The following PDZD8 variants were observed in gnomAD, a reference collection of about 807,000 sequenced individuals.
The protein encoded by PDZD8 is PDZ domain-containing protein 8.
A neutral mutation model predicts 85.8 loss-of-function variants in PDZD8; 14 were observed. That is an observed-to-expected ratio of 0.16 (90% CI 0.11 to 0.26). The LOEUF (loss-of-function observed/expected upper bound fraction) is 0.26, where lower values mean the gene tolerates loss of function less well. PDZD8 is among the 10% of genes least tolerant of loss of function. The pLI is 1.00. For missense variants in PDZD8, 1,197 were observed against 1,424.3 expected (o/e 0.84, Z 2.57); for synonymous variants, 592 against 568.6 (o/e 1.04, Z -0.59).
chr10:117,358,943 C>A (rs1194522396), intron 1 of PDZD8, among the ~76,000 whole-genome samples: 1 of 152,164 alleles, frequency 6.6e-6, no homozygotes, highest in Admixed American at 6.5e-5. Context: ...TTCTTCCCTT[C>A]CACAAGGAAC....
intron 3 of PDZD8, among the ~76,000 whole-genome samples, chr10:117,291,591 C>T (rs761697971): frequency 3.3e-5 from 5 of 151,092 alleles, no homozygotes; most frequent in Non-Finnish European, 7.4e-5. Flanking sequence ...CACCTGTAAT[C>T]GCAGCTACTA....
At chr10:117,318,183 C>G (rs989097530) in intron 3 of PDZD8, among the ~76,000 whole-genome samples, 1 of 152,170 alleles carries the variant, frequency 6.6e-6, no homozygotes, top group Non-Finnish European at 1.5e-5. Context: ...TCAGATTTAA[C>G]TGGGTGTCCT....
At chr10:117,307,067 A>G (rs1843955432) in intron 3 of PDZD8, among the ~76,000 whole-genome samples, 1 of 152,144 alleles carries the variant, frequency 6.6e-6, no homozygotes, top group African/African-American at 2.4e-5. Flanking sequence ...GGGATTACTT[A>G]CATCAGTAGT....
chr10:117,347,836 C>G (rs1342331665), intron 1 of PDZD8, among the ~76,000 whole-genome samples: 1 of 152,118 alleles, frequency 6.6e-6, no homozygotes, highest in African/African-American at 2.4e-5. Flanking sequence ...CCAGTACGTC[C>G]TGAAGCCACA....
At chr10:117,308,650 A>G (rs911216496) in intron 3 of PDZD8, among the ~76,000 whole-genome samples, 1 of 152,120 alleles carries the variant, frequency 6.6e-6, no homozygotes, top group Admixed American at 6.6e-5. Flanking sequence ...CCTATAGGAC[A>G]CCATTTGTGG....
At chr10:117,302,190 G>C (rs1390969465) in intron 3 of PDZD8, among the ~76,000 whole-genome samples, 1 of 152,146 alleles carries the variant, frequency 6.6e-6, no homozygotes, top group African/African-American at 2.4e-5. Context: ...TACTTCATGG[G>C]ACCCTCAACT....
chr10:117,346,101 C>A (rs1029793718), intron 1 of PDZD8, among the ~76,000 whole-genome samples: 10 of 151,498 alleles, frequency 6.6e-5, no homozygotes, highest in African/African-American at 2.4e-4. Flanking sequence ...ATTAGCCGGG[C>A]GTGGTGGCAT....
Position 117,283,531 on chromosome 10 carries a change from T to G in PDZD8, c.3202A>C (p.Arg1068=). ...VREEKETTDT[R]KKSLLSAALA... Reference sequence around the variant, plus strand: ...GCAGCAGAAAGAAGTGATTTTTTCCTTGTATCAGTTGTCTCTTTTTCTTCT... The same window carrying G: ...GCAGCAGAAAGAAGTGATTTTTTCCGTGTATCAGTTGTCTCTTTTTCTTCT... Residue 1068 remains arginine (R), a synonymous_variant, in exon 5 of 5, where the codon AGG becomes CGG. Transcript: ENST00000334464. 1 of 1,614,244 alleles carries G rather than the reference T, an allele frequency of 6.2e-7. No individual in the cohort carries two copies. Among genetic ancestry groups the G allele is most frequent in the African/African-American group, 1.3e-5 (1 of 75,066 alleles).
intron 2 of PDZD8, among the ~76,000 whole-genome samples, chr10:117,319,341 T>A (rs1157394454): frequency 6.6e-6 from 1 of 151,248 alleles, no homozygotes; most frequent in Non-Finnish European, 1.5e-5. Context: ...TAGTATACCA[T>A]CAACTCTGTA....
chr10:117,280,982 T>C lies in PDZD8; in HGVS notation c.*2286A>G, dbSNP rs1396803883. The C allele has an allele frequency of 6.6e-6, 1 of 152,250 alleles. No individual in the cohort carries two copies. Among genetic ancestry groups the C allele is most frequent in the East Asian group, 1.9e-4 (1 of 5,202 alleles). 9.4% of individuals were successfully genotyped at this position (152,250 alleles called of 1,614,324 possible). On this transcript the variant is annotated 3_prime_UTR_variant, in exon 5 of 5. Coordinates refer to ENST00000334464, the MANE Select transcript of PDZD8 (RefSeq NM_173791.5). ...TATTTTTTATAAAGTGGTTACACAC[T>C]GAGCAGATTGCCTCAAGTGTAAGTT...
At chr10:117,346,793 C>T (rs1844716379) in intron 1 of PDZD8, among the ~76,000 whole-genome samples, 1 of 151,880 alleles carries the variant, frequency 6.6e-6, no homozygotes, top group Non-Finnish European at 1.5e-5. Flanking sequence ...CACGTACAGG[C>T]ATCATGGCCG....
intron 2 of PDZD8, among the ~76,000 whole-genome samples, chr10:117,336,768 G>C (rs936382946): frequency 2.6e-5 from 4 of 151,812 alleles, no homozygotes; most frequent in African/African-American, 7.3e-5. Context: ...TAACCATTGA[G>C]AAAAATAAAA....
At chr10:117,366,762 A>C (rs1012523118) in intron 1 of PDZD8, among the ~76,000 whole-genome samples, 4 of 152,198 alleles carry the variant, frequency 2.6e-5, no homozygotes, top group Admixed American at 6.5e-5. Context: ...TGAGCTCTGG[A>C]AGTCCAGGAC....
chr10:117,364,103 C>G (rs1302992578), intron 1 of PDZD8, among the ~76,000 whole-genome samples: 1 of 152,026 alleles, frequency 6.6e-6, no homozygotes, highest in Non-Finnish European at 1.5e-5. Context: ...GAGAAGGATA[C>G]TGTGCCAGTA....
intron 2 of PDZD8, among the ~76,000 whole-genome samples, chr10:117,333,130 A>AC (rs1564703019): frequency 6.7e-6 from 1 of 149,038 alleles, no homozygotes; most frequent in African/African-American, 2.4e-5. Flanking sequence ...AAAAAAAAAA[A>AC]AAAAAAAAAA....
chr10:117,305,310 G>C (rs1843916377), intron 3 of PDZD8, among the ~76,000 whole-genome samples: 1 of 152,082 alleles, frequency 6.6e-6, no homozygotes, highest in Admixed American at 6.6e-5. Flanking sequence ...TACTTGGGAG[G>C]CTGAGGCACG....
intron 3 of PDZD8, among the ~76,000 whole-genome samples, chr10:117,310,112 C>A (rs1190033909): frequency 2.0e-5 from 3 of 152,140 alleles, no homozygotes; most frequent in African/African-American, 7.2e-5. Context: ...CCAACTTGAA[C>A]AACTCACTCT....
chr10:117,285,519 A>AAT (rs1451007065), intron 4 of PDZD8, 48 bp from the exon 5 acceptor site: 2 of 1,463,844 alleles, frequency 1.4e-6, no homozygotes, highest in Non-Finnish European at 1.8e-6. Flanking sequence ...TTGCAATAGA[A>AAT]ATTACTACAT....
At chr10:117,323,175 C>G (rs1844257170) in intron 2 of PDZD8, among the ~76,000 whole-genome samples, 1 of 152,292 alleles carries the variant, frequency 6.6e-6, no homozygotes, top group African/African-American at 2.4e-5. Flanking sequence ...ACTTGAATCC[C>G]AAGCCTCCCA....
Sources: gnomAD v4.1 joint callset for allele counts (sites outside exome capture counted in the v4.1 genomes callset) on GRCh38, gnomAD v4.1.1 for gene constraint, MANE v1.5 for transcripts, NCBI Gene and HGNC (gene_info 2026-07-23, HGNC 2026-07-21) for gene names.